The following PCDHA5 variants were observed in gnomAD, a reference collection of about 807,000 sequenced individuals.
PCDHA5 encodes the protein protocadherin alpha 5.
A neutral mutation model predicts 61.6 loss-of-function variants in PCDHA5; 43 were observed. That is an observed-to-expected ratio of 0.70 (90% confidence interval 0.55 to 0.90). The LOEUF is 0.90. Ranked by LOEUF, PCDHA5 falls within the 40% of genes least tolerant of loss-of-function variation. PCDHA5 has a pLI of 0.00. For synonymous variants in PCDHA5, 627 were observed against 543.9 expected (o/e 1.15, Z -2.13); for missense variants, 1,298 against 1,222.7 (o/e 1.06, Z -0.92).
intron 1 of PCDHA5, chr5:140,927,658 C>T (rs782350503): frequency 5.0e-6 from 8 of 1,614,094 alleles, no homozygotes; most frequent in Non-Finnish European, 6.8e-6. Context: ...ATTCCGAGTT[C>T]AAGCCTTGGA....
At position 140,967,525 on chromosome 5, in the gene PCDHA5, C is replaced by T. The variant is rs368677084; in HGVS notation, c.2353-11424C>T. The stretch of plus-strand genomic sequence containing the variant: ...TGCGTGTCCTGGACACTAACGACAA[C>T]TCTCCTGCCTTTGACCAGTCCACTT... On this transcript the variant is annotated intron_variant, in intron 1 of 3. Coordinates refer to ENST00000529859, the MANE Select transcript of PCDHA5 (RefSeq NM_018908.3). 3.7e-5 allele frequency: 59 copies of T among 1,613,048 alleles called. No individual in the cohort carries two copies. The African/African-American group carries it at 7.3e-4, about 20-fold the overall frequency.
At chr5:140,838,290 T>TC (rs1775657451) in intron 1 of PCDHA5, among the ~76,000 whole-genome samples, 2 of 150,172 alleles carry the variant, frequency 1.3e-5, no homozygotes, top group Non-Finnish European at 3.0e-5. Flanking sequence ...ATTTTTTTTT[T>TC]TTTTTGTATT....
chr5:140,854,198 CT>C, intron 1 of PCDHA5: 1 of 547,978 alleles, frequency 1.8e-6, no homozygotes, highest in Non-Finnish European at 2.3e-6. Flanking sequence ...CTACTCCCTA[CT>C]TTTTATTCAA....
intron 1 of PCDHA5, among the ~76,000 whole-genome samples, chr5:140,939,224 C>T (rs761211778): frequency 8.5e-5 from 13 of 152,130 alleles, no homozygotes; most frequent in Admixed American, 4.6e-4. Context: ...TGTCTCTTCA[C>T]CTTCTGGAAG....
intron 1 of PCDHA5, chr5:140,836,693 G>A: frequency 1.2e-6 from 2 of 1,613,422 alleles, no homozygotes; most frequent in African/African-American, 2.7e-5. Flanking sequence ...CAGACCTCAT[G>A]GCCTTCAGTC....
chr5:140,842,127 C>A (rs2150329918), intron 1 of PCDHA5: 3 of 1,613,572 alleles, frequency 1.9e-6, no homozygotes, highest in African/African-American at 1.3e-5. Context: ...GCTTCTGATC[C>A]GGATGAAGGA....
chr5:140,842,180 A>G lies in PCDHA5; in HGVS notation c.2352+18053A>G, dbSNP rs199588480. ...ATATTCTTTTAATAGCCTTGTTGAA[A>G]CTATGGTTATTGACCACTTTAGCAT... On this transcript the variant is annotated intron_variant, in intron 1 of 3. Coordinates refer to ENST00000529859, the MANE Select transcript of PCDHA5 (RefSeq NM_018908.3). The G allele has an allele frequency of 3.0e-4, 482 of 1,613,200 alleles. 6 individuals are homozygous for G. Among genetic ancestry groups the G allele is most frequent in the African/African-American group, 2.2e-3 (168 of 74,850 alleles).
intron 1 of PCDHA5, chr5:140,870,758 T>C: frequency 1.2e-6 from 2 of 1,613,530 alleles, no homozygotes; most frequent in African/African-American, 2.7e-5. Flanking sequence ...ACGCTGCAGG[T>C]GTTCGTGCTG....
At chr5:140,863,138 T>C (rs781967810) in intron 1 of PCDHA5, 2 of 604,914 alleles carry the variant, frequency 3.3e-6, no homozygotes, top group Non-Finnish European at 6.4e-6. Context: ...CGCCTGCTGG[T>C]GCTGGTGAAG....
At chr5:140,865,675 A>G (rs564629506) in intron 1 of PCDHA5, 8 of 152,324 alleles carry the variant, frequency 5.3e-5, no homozygotes, top group African/African-American at 1.9e-4. Flanking sequence ...AACAATTTCT[A>G]AAGTACATAT....
intron 1 of PCDHA5, chr5:140,967,776 C>T: frequency 1.2e-6 from 2 of 1,614,148 alleles, no homozygotes; most frequent in East Asian, 2.2e-5. Flanking sequence ...TATGTGCAGG[C>T]GACTGACCGG....
At chr5:140,908,226 T>A (rs1488573035) in intron 1 of PCDHA5, among the ~76,000 whole-genome samples, 1 of 152,140 alleles carries the variant, frequency 6.6e-6, no homozygotes, top group Non-Finnish European at 1.5e-5. Flanking sequence ...GAACCAGTCC[T>A]TAGTCTTCTC....
At position 141,009,773 on chromosome 5, in the gene PCDHA5, A is replaced by C. The variant is rs782087059; in HGVS notation, c.2647A>C (p.Ile883Leu). ...KFIIPGSPAI[I>L]SIRQEPTNSQ... is the part of the protein sequence containing the mutation. ...CATTATCCCAGGATCTCCTGCAATC[A>C]TCTCCATCCGGCAGGAGCCTACTAA... Residue 883 changes from isoleucine to leucine, a missense_variant, in exon 4 of 4, where the codon ATC becomes CTC. Physicochemically the swap from Ile to Leu is conservative, Grantham distance 5. Transcript: ENST00000529859. 1 of 1,614,128 alleles carries C rather than the reference A, an allele frequency of 6.2e-7. No individual in the cohort carries two copies. Among genetic ancestry groups the C allele is most frequent in the East Asian group, 2.2e-5 (1 of 44,878 alleles).
chr5:140,895,881 G>A (rs1004872677), intron 1 of PCDHA5, among the ~76,000 whole-genome samples: 22 of 152,176 alleles, frequency 1.4e-4, no homozygotes, highest in East Asian at 1.9e-4. Flanking sequence ...GCGCGATCTC[G>A]GCTCACTGCA....
chr5:140,839,415 G>A (rs1374015208), intron 1 of PCDHA5, among the ~76,000 whole-genome samples: 2 of 151,792 alleles, frequency 1.3e-5, no homozygotes, highest in African/African-American at 4.8e-5. Context: ...TTTGAGACAG[G>A]GTCTCACTCT....
intron 1 of PCDHA5, chr5:140,849,976 T>A: frequency 1.3e-6 from 2 of 1,597,616 alleles, no homozygotes; most frequent in Non-Finnish European, 1.7e-6. Context: ...TCCTACTCGC[T>A]GGTGGAGCGG....
chr5:140,997,668 TTGTGTGTG>T (rs35184029), intron 3 of PCDHA5, among the ~76,000 whole-genome samples: 1 of 148,244 alleles, frequency 6.7e-6, no homozygotes, highest in Non-Finnish European at 1.5e-5. Context: ...ATTATACAGC[TTGTGTGTG>T]TGTGTGTGTG....
In PCDHA5 at chr5:140,968,269, T is replaced by C. The variant is rs558051125; in HGVS notation, c.2353-10680T>C. On this transcript the variant is annotated intron_variant, in intron 1 of 3. Coordinates refer to ENST00000529859, the MANE Select transcript of PCDHA5 (RefSeq NM_018908.3). ...CCACAGACCCAGATGAAAAGGAGAATGCAGAGGTGACCTACTCCCTTCTGG... is the reference window on the plus strand; with the variant it reads ...CCACAGACCCAGATGAAAAGGAGAACGCAGAGGTGACCTACTCCCTTCTGG... 6.9e-5 allele frequency: 112 copies of C among 1,614,074 alleles called. 2 individuals carry two copies. In the South Asian group the frequency reaches 1.1e-3, roughly 16 times the overall value.
chr5:140,847,254 G>T (rs1219125323), intron 1 of PCDHA5, among the ~76,000 whole-genome samples: 1 of 149,748 alleles, frequency 6.7e-6, no homozygotes, highest in Non-Finnish European at 1.5e-5. Flanking sequence ...AATAAATCAC[G>T]ACTTTTGAAA....
Sources: gnomAD v4.1 joint callset for allele counts (sites outside exome capture counted in the v4.1 genomes callset) on GRCh38, gnomAD v4.1.1 for gene constraint, MANE v1.5 for transcripts, NCBI Gene and HGNC (gene_info 2026-07-23, HGNC 2026-07-21) for gene names.